KAZN: variants seen among roughly 807,000 people sequenced by gnomAD.
KAZN encodes the protein kazrin, periplakin interacting protein, also known as kazrin.
A neutral mutation model predicts 87.4 loss-of-function variants in KAZN; 40 were observed. The observed-to-expected ratio is 0.46, with a 90% CI of 0.36 to 0.60. KAZN has a LOEUF of 0.60. Ranked by LOEUF, KAZN falls within the 20% of genes least tolerant of loss-of-function variation. The pLI, the probability that KAZN is intolerant of heterozygous loss-of-function variation, is 0.00. For synonymous variants in KAZN, 466 were observed against 458.3 expected (o/e 1.02, Z -0.22); for missense variants, 898 against 1,073.9 (o/e 0.84, Z 2.29).
chr1:14,208,917 G>C (rs1328894465), intron 2 of KAZN, among the ~76,000 whole-genome samples: 1 of 152,214 alleles, frequency 6.6e-6, no homozygotes, highest in African/African-American at 2.4e-5. Context: ...GAGATTCTAA[G>C]AGGTTCATAG....
chr1:15,076,051 G>A (rs895812169), intron 8 of KAZN, among the ~76,000 whole-genome samples: 2 of 152,224 alleles, frequency 1.3e-5, no homozygotes, highest in African/African-American at 2.4e-5. Flanking sequence ...GGAGGCTGAT[G>A]TCTGTGGAGG....
At chr1:15,114,423 T>C (rs200818360) in intron 14 of KAZN, 48 bp from the exon 15 acceptor site, 16 of 1,484,116 alleles carry the variant, frequency 1.1e-5, no homozygotes, top group Middle Eastern at 1.7e-4. Flanking sequence ...CATTCTTAAT[T>C]CTTGTTTCTC....
intron 2 of KAZN, among the ~76,000 whole-genome samples, chr1:14,568,386 A>T (rs1674664095): frequency 6.6e-6 from 1 of 152,152 alleles, no homozygotes; most frequent in African/African-American, 2.4e-5. Context: ...CATACCTAAG[A>T]CTGGGTAATT....
chr1:13,934,900 G>C (rs1189004584), intron 1 of KAZN, among the ~76,000 whole-genome samples: 1 of 152,162 alleles, frequency 6.6e-6, no homozygotes, highest in African/African-American at 2.4e-5. Flanking sequence ...GGTTCAATGA[G>C]AGTTTTTACC....
At chr1:14,648,352 A>T (rs1224116210) in intron 1 of KAZN, among the ~76,000 whole-genome samples, 1 of 152,244 alleles carries the variant, frequency 6.6e-6, no homozygotes, top group African/African-American at 2.4e-5. Context: ...CATTTTTTAA[A>T]GGAAATCTTA....
At chr1:14,465,949 G>A (rs1016179193) in intron 2 of KAZN, among the ~76,000 whole-genome samples, 2 of 151,974 alleles carry the variant, frequency 1.3e-5, no homozygotes, top group African/African-American at 4.8e-5. Flanking sequence ...GTATGTTTAG[G>A]TACACACAAA....
chr1:14,883,367 G>GAAAGAAAGAAAGA (rs1653642711), intron 1 of KAZN, among the ~76,000 whole-genome samples: 1 of 73,210 alleles, frequency 1.4e-5, no homozygotes, highest in Non-Finnish European at 2.7e-5. Context: ...AAGAAAGAAA[G>GAAAGAAAGAAAGA]AAAGAAAGAA....
chr1:14,024,593 G>A (rs2101281815), intron 1 of KAZN, among the ~76,000 whole-genome samples: 1 of 152,312 alleles, frequency 6.6e-6, no homozygotes, highest in East Asian at 1.9e-4. Context: ...GGGTACCTCT[G>A]ACTTGTTGCC....
At chr1:14,308,567 C>T (rs1655082961) in intron 2 of KAZN, among the ~76,000 whole-genome samples, 1 of 152,164 alleles carries the variant, frequency 6.6e-6, no homozygotes, top group East Asian at 1.9e-4. Flanking sequence ...TATAGAGTAG[C>T]AGTTGCAAGT....
At chr1:14,624,023 G>A (rs1003412834) in intron 1 of KAZN, among the ~76,000 whole-genome samples, 1 of 152,178 alleles carries the variant, frequency 6.6e-6, no homozygotes, top group East Asian at 1.9e-4. Flanking sequence ...ATTTTGAATA[G>A]TGTGTGCTAA....
chr1:15,036,449 A>G (rs1672347778), intron 3 of KAZN, among the ~76,000 whole-genome samples: 1 of 147,916 alleles, frequency 6.8e-6, no homozygotes, highest in African/African-American at 2.5e-5. Flanking sequence ...TCCCTTTCAT[A>G]TTAGATGAAC....
chr1:14,355,287 T>C (rs994429434), intron 2 of KAZN, among the ~76,000 whole-genome samples: 7 of 152,210 alleles, frequency 4.6e-5, no homozygotes, highest in Non-Finnish European at 8.8e-5. Flanking sequence ...GCTCAAACTA[T>C]GTGCTTAAGA....
chr1:14,918,675 C>CAAA (rs1158537283), intron 1 of KAZN, among the ~76,000 whole-genome samples: 6 of 37,080 alleles, frequency 1.6e-4, no homozygotes, highest in African/African-American at 3.6e-4. Flanking sequence ...GACTCCATCT[C>CAAA]AAAAAAAAAA....
chr1:14,016,809 A>G (rs1640593438), intron 1 of KAZN, among the ~76,000 whole-genome samples: 1 of 152,216 alleles, frequency 6.6e-6, no homozygotes, highest in Non-Finnish European at 1.5e-5. Flanking sequence ...GAAGATCCAC[A>G]AAGAAAACAG....
chr1:14,278,291 CT>C lies in KAZN; in HGVS notation c.249+97716del, dbSNP rs869207394. ...CACACCTGAAAATTAGCACTGATTCCTTTTTTTTTTTTTTTTTGAGATGGAG... is the reference window on the plus strand; with the variant it reads ...CACACCTGAAAATTAGCACTGATTCCTTTTTTTTTTTTTTTTGAGATGGAG... On this transcript the variant is annotated intron_variant, in intron 2 of 16. Transcript: ENST00000636203. 3.5e-3 allele frequency among the ~76,000 whole-genome samples: 475 copies of C among 135,054 alleles called. 3 individuals carry two copies. Among genetic ancestry groups the C allele is most frequent in the East Asian group, 0.031 (146 of 4,740 alleles). 88.6% of individuals were successfully genotyped at this position (135,054 alleles called of 152,430 possible).
intron 2 of KAZN, among the ~76,000 whole-genome samples, chr1:14,539,788 C>T (rs1168052884): frequency 1.3e-5 from 2 of 151,584 alleles, no homozygotes; most frequent in Admixed American, 6.6e-5. Flanking sequence ...AGAATTAGTG[C>T]CTATTTGCCA....
intron 1 of KAZN, among the ~76,000 whole-genome samples, chr1:14,817,091 T>C (rs1356123228): frequency 6.6e-6 from 1 of 152,204 alleles, no homozygotes; most frequent in Non-Finnish European, 1.5e-5. Flanking sequence ...TTTGTTGTCA[T>C]TGTGACAACC....
intron 1 of KAZN, among the ~76,000 whole-genome samples, chr1:14,760,552 C>A (rs1051453141): frequency 2.0e-5 from 3 of 152,204 alleles, no homozygotes; most frequent in African/African-American, 4.8e-5. Flanking sequence ...TCTCCTTCGT[C>A]CCCTCCTGCC....
chr1:14,443,410 C>T (rs1666804900), intron 2 of KAZN, among the ~76,000 whole-genome samples: 1 of 152,168 alleles, frequency 6.6e-6, no homozygotes, highest in Admixed American at 6.5e-5. Context: ...GAGACACATC[C>T]AGAGATGGAG....
Sources: allele counts gnomAD v4.1 joint callset (sites outside exome capture counted in the v4.1 genomes callset), GRCh38; gene constraint gnomAD v4.1.1; transcripts MANE v1.5; gene names NCBI Gene and HGNC (gene_info 2026-07-23, HGNC 2026-07-21).